The following NEGR1 variants were observed in gnomAD, a reference collection of about 807,000 sequenced individuals.
NEGR1 encodes IgLON family member 4.
Under a neutral mutation model 40.9 loss-of-function variants are expected in NEGR1, and 10 were observed. That is an observed-to-expected ratio of 0.24 (90% CI 0.15 to 0.42). NEGR1 has a LOEUF of 0.42. Ranked by LOEUF, NEGR1 falls within the 10% of genes least tolerant of loss-of-function variation. The pLI is 1.00. For synonymous variants in NEGR1, 185 were observed against 166.8 expected, an observed-to-expected ratio of 1.11 and a Z score of -0.84; for missense variants, 352 against 438.9, an observed-to-expected ratio of 0.80 and a Z score of 1.77.
intron 1 of NEGR1, among the ~76,000 whole-genome samples, chr1:72,252,171 T>TCTCGGCTCACCACAACCTCCATCTCCCGG (rs1553153926): frequency 5.8e-4 from 86 of 147,868 alleles, no homozygotes; most frequent in African/African-American, 2.2e-3. Context: ...AATGGGGCGA[T>TCTCGGCTCACCACAACCTCCATCTCCCGG]GTAGCTGGGA....
chr1:71,682,642 A>G (rs1485674863), intron 4 of NEGR1, among the ~76,000 whole-genome samples: 1 of 152,180 alleles, frequency 6.6e-6, no homozygotes. Context: ...AATAAAAGTG[A>G]CATGTGGATA....
chr1:72,116,299 A>C, intron 1 of NEGR1, among the ~76,000 whole-genome samples: 1 of 151,816 alleles, frequency 6.6e-6, no homozygotes, highest in East Asian at 1.9e-4. Flanking sequence ...CTTTAAGTTA[A>C]AATGAATCCA....
chr1:72,061,152 G>A (rs1647166051), intron 1 of NEGR1, among the ~76,000 whole-genome samples: 1 of 151,528 alleles, frequency 6.6e-6, no homozygotes, highest in Admixed American at 6.6e-5. Context: ...TTATGTCTTA[G>A]AAAAGATTAA....
chr1:71,872,808 T>C (rs1264108888), intron 2 of NEGR1, among the ~76,000 whole-genome samples: 3 of 152,286 alleles, frequency 2.0e-5, no homozygotes, highest in African/African-American at 4.8e-5. Context: ...CAACAATTTA[T>C]TGAAGTTAAG....
At chr1:71,442,540 G>T (rs763930008) in intron 6 of NEGR1, among the ~76,000 whole-genome samples, 2 of 152,162 alleles carry the variant, frequency 1.3e-5, no homozygotes, top group Non-Finnish European at 2.9e-5. Flanking sequence ...CCTGAACCTG[G>T]ATGGCGGAAA....
At chr1:71,919,493 A>AACCTTTTT (rs1218412101) in intron 2 of NEGR1, among the ~76,000 whole-genome samples, 8 of 148,822 alleles carry the variant, frequency 5.4e-5, no homozygotes, top group African/African-American at 2.0e-4. Flanking sequence ...AAACTATCTT[A>AACCTTTTT]ACCTTTTTTT....
intron 1 of NEGR1, among the ~76,000 whole-genome samples, chr1:71,943,056 ATG>A (rs1302578595): frequency 7.6e-5 from 10 of 131,078 alleles, no homozygotes; most frequent in East Asian, 4.1e-4. Flanking sequence ...GTGTATATAT[ATG>A]TGTGTGTATA....
intron 4 of NEGR1, among the ~76,000 whole-genome samples, chr1:71,670,422 T>A (rs1570177293): frequency 6.6e-6 from 1 of 152,190 alleles, no homozygotes; most frequent in Non-Finnish European, 1.5e-5. Flanking sequence ...GTACTTAGCA[T>A]AGATATCTGT....
chr1:71,561,463 G>C (rs1352539863), intron 6 of NEGR1, among the ~76,000 whole-genome samples: 1 of 151,634 alleles, frequency 6.6e-6, no homozygotes, highest in Non-Finnish European at 1.5e-5. Context: ...GCTCTTTAAA[G>C]ATAAGTAGAC....
intron 6 of NEGR1, among the ~76,000 whole-genome samples, chr1:71,575,507 G>C (rs1648934220): frequency 6.6e-6 from 1 of 152,332 alleles, no homozygotes; most frequent in African/African-American, 2.4e-5. Flanking sequence ...TTCCCAGTTG[G>C]GCACGGTGGC....
chr1:71,857,626 CAAAAAA>C (rs59343025), intron 2 of NEGR1, among the ~76,000 whole-genome samples: 608 of 53,390 alleles, frequency 0.011, 1 homozygote, highest in African/African-American at 0.044. Context: ...GATCCTGTCT[CAAAAAA>C]AAAAAAAAAA....
At chr1:71,656,473 C>T (rs12038993) in intron 4 of NEGR1, among the ~76,000 whole-genome samples, 8 of 151,456 alleles carry the variant, frequency 5.3e-5, no homozygotes, top group East Asian at 2.0e-4. Context: ...AGTGCAGTGG[C>T]GGGATCTCGG....
intron 2 of NEGR1, among the ~76,000 whole-genome samples, chr1:71,782,076 ACAATGTTTGTGTCTCTCC>A (rs1656737385): frequency 6.6e-6 from 1 of 152,160 alleles, no homozygotes; most frequent in Non-Finnish European, 1.5e-5. Context: ...TGCACTGTGG[ACAATGTTTGTGTCTCTCC>A]CAAATTCATG....
At chr1:71,801,871 A>T (rs1158573) in intron 2 of NEGR1, among the ~76,000 whole-genome samples, 102,341 of 152,144 alleles carry the variant, frequency 0.67, 39,610 homozygotes, top group Non-Finnish European at 0.85. Flanking sequence ...GAAAGAAAAG[A>T]GGAAGACAGT....
chr1:72,064,846 T>A (rs1647235695), intron 1 of NEGR1, among the ~76,000 whole-genome samples: 1 of 152,098 alleles, frequency 6.6e-6, no homozygotes, highest in African/African-American at 2.4e-5. Context: ...ACTTTCATTT[T>A]TTGGTTTATT....
At chr1:71,689,494 T>G (rs1653178471) in intron 4 of NEGR1, among the ~76,000 whole-genome samples, 1 of 152,188 alleles carries the variant, frequency 6.6e-6, no homozygotes, top group Non-Finnish European at 1.5e-5. Context: ...TCTTCTGTTT[T>G]ATTTTCATTA....
intron 2 of NEGR1, among the ~76,000 whole-genome samples, chr1:71,796,612 T>A (rs1657337466): frequency 6.6e-6 from 1 of 152,114 alleles, no homozygotes; most frequent in Non-Finnish European, 1.5e-5. Flanking sequence ...TACAATTAAG[T>A]GAAATAATTT....
rs57277556 is a variant in NEGR1 at position 71,990,918 on chromosome 1, A to ATT, written c.177-55609_177-55608dup. 4.5e-3 allele frequency among the ~76,000 whole-genome samples: 471 copies of ATT among 104,256 alleles called. 3 individuals are homozygous for ATT. The highest frequency in any genetic ancestry group is 0.012 in the African/African-American group (441 of 36,872). The allele number at this position is 104,256 out of a possible 152,430, so 68.4% of individuals were successfully genotyped here. A position where few individuals can be genotyped will look rare whatever the true frequency, so the allele number is the denominator to read the frequency against. Reference sequence around the variant, plus strand: ...TAGGCATATACATATATATATATATATTTTTTTTTTAATGACTAGAAGACA... The same window carrying ATT: ...TAGGCATATACATATATATATATATATTTTTTTTTTTTAATGACTAGAAGACA... On this transcript the variant is annotated intron_variant, in intron 1 of 6. Coordinates refer to ENST00000357731, the MANE Select transcript of NEGR1 (RefSeq NM_173808.3).
At chr1:71,810,245 T>C (rs1557661118) in intron 2 of NEGR1, among the ~76,000 whole-genome samples, 1 of 152,120 alleles carries the variant, frequency 6.6e-6, no homozygotes, top group Admixed American at 6.6e-5. Flanking sequence ...GCTGTTTTCC[T>C]ATTCATTTCA....
Sources: gnomAD v4.1 joint callset for allele counts (sites outside exome capture counted in the v4.1 genomes callset) on GRCh38, gnomAD v4.1.1 for gene constraint, MANE v1.5 for transcripts, NCBI Gene and HGNC (gene_info 2026-07-23, HGNC 2026-07-21) for gene names.